The following C1orf21 variants were observed in gnomAD, a reference collection of about 807,000 sequenced individuals.
C1orf21 encodes chromosome 1 open reading frame 21, also known as uncharacterized protein C1orf21.
In C1orf21, 3 loss-of-function variants were observed where a neutral mutation model predicts 18.7. That is an observed-to-expected ratio of 0.16 (90% CI 0.07 to 0.42). The LOEUF (loss-of-function observed/expected upper bound fraction) is 0.42, where lower values mean the gene tolerates loss of function less well. Ranked by LOEUF, C1orf21 falls within the 10% of genes least tolerant of loss-of-function variation. The pLI, the probability that C1orf21 is intolerant of heterozygous loss-of-function variation, is 0.99. For missense variants in C1orf21, 104 were observed against 143.6 expected (o/e 0.72, Z 1.41); for synonymous variants, 41 against 46.4 (o/e 0.88, Z 0.47).
intron 3 of C1orf21, among the ~76,000 whole-genome samples, chr1:184,523,843 A>T (rs1033762512): frequency 6.6e-6 from 1 of 152,194 alleles, no homozygotes; most frequent in African/African-American, 2.4e-5. Context: ...ACAGTGTTCT[A>T]TAATACTTTG....
chr1:184,507,376 A>G (rs1658078521), intron 2 of C1orf21, among the ~76,000 whole-genome samples: 1 of 152,150 alleles, frequency 6.6e-6, no homozygotes, highest in African/African-American at 2.4e-5. Flanking sequence ...AGCATTCGTG[A>G]TGCTGAGCTT....
At chr1:184,573,205 G>A (rs1172739982) in intron 3 of C1orf21, among the ~76,000 whole-genome samples, 4 of 152,002 alleles carry the variant, frequency 2.6e-5, no homozygotes, top group Admixed American at 6.5e-5. Context: ...CAGCTGCAGC[G>A]TTTACCCCGA....
intron 1 of C1orf21, among the ~76,000 whole-genome samples, chr1:184,393,970 G>A (rs970366454): frequency 2.0e-5 from 3 of 152,106 alleles, no homozygotes; most frequent in Non-Finnish European, 2.9e-5. Flanking sequence ...TATGCCAAGT[G>A]AAGATTCTTT....
chr1:184,430,541 A>T (rs537577044), intron 1 of C1orf21, among the ~76,000 whole-genome samples: 22 of 152,332 alleles, frequency 1.4e-4, no homozygotes, highest in African/African-American at 5.3e-4. Flanking sequence ...CTTTTAAAAT[A>T]TTGGTGAAAT....
chr1:184,442,067 A>G (rs1430108280), intron 1 of C1orf21, among the ~76,000 whole-genome samples: 3 of 152,202 alleles, frequency 2.0e-5, no homozygotes, highest in Non-Finnish European at 4.4e-5. Context: ...CTTTTCCTCT[A>G]TGCTTGGATG....
intron 3 of C1orf21, among the ~76,000 whole-genome samples, chr1:184,520,487 G>A (rs534977018): frequency 3.4e-4 from 52 of 152,242 alleles, no homozygotes; most frequent in African/African-American, 1.2e-3. Flanking sequence ...TGAGTATGAG[G>A]CACAATGAAA....
intron 2 of C1orf21, among the ~76,000 whole-genome samples, chr1:184,490,289 A>C (rs1052657466): frequency 6.6e-6 from 1 of 152,288 alleles, no homozygotes; most frequent in East Asian, 1.9e-4. Flanking sequence ...GTAAAGATGC[A>C]ATAGATGGAC....
chr1:184,521,526 TACACACTGTATGATTCTAC>T (rs1658306271), intron 3 of C1orf21, among the ~76,000 whole-genome samples: 1 of 152,176 alleles, frequency 6.6e-6, no homozygotes, highest in South Asian at 2.1e-4. Context: ...GTCTGAAAGA[TACACACTGTATGATTCTAC>T]TTGCATGATA....
chr1:184,598,772 C>G (rs1010763894), intron 5 of C1orf21, among the ~76,000 whole-genome samples: 1 of 152,132 alleles, frequency 6.6e-6, no homozygotes, highest in African/African-American at 2.4e-5. Flanking sequence ...CACCCAGTAC[C>G]CTGCACTAAC....
intron 3 of C1orf21, among the ~76,000 whole-genome samples, chr1:184,577,954 T>TTG (rs2101993067): frequency 1.4e-5 from 1 of 70,446 alleles, no homozygotes; most frequent in South Asian, 3.9e-4. Context: ...TTTGTTTTTG[T>TTG]TTTTTTTTTT....
At chr1:184,540,365 A>T (rs1441310771) in intron 3 of C1orf21, among the ~76,000 whole-genome samples, 1 of 152,130 alleles carries the variant, frequency 6.6e-6, no homozygotes, top group South Asian at 2.1e-4. Context: ...TTTAAAAGAG[A>T]TTGACAGACT....
At chr1:184,569,001 C>T (rs1033341573) in intron 3 of C1orf21, among the ~76,000 whole-genome samples, 12 of 152,170 alleles carry the variant, frequency 7.9e-5, no homozygotes, top group African/African-American at 2.7e-4. Context: ...TAGGGGCTTG[C>T]ATTTTATTAA....
intron 3 of C1orf21, among the ~76,000 whole-genome samples, chr1:184,542,258 A>G (rs1345476015): frequency 6.6e-6 from 1 of 152,218 alleles, no homozygotes; most frequent in Non-Finnish European, 1.5e-5. Flanking sequence ...AGCATACACT[A>G]TGTGCCAGGC....
At chr1:184,488,017 G>C in intron 2 of C1orf21, among the ~76,000 whole-genome samples, 1 of 152,158 alleles carries the variant, frequency 6.6e-6, no homozygotes, top group East Asian at 1.9e-4. Flanking sequence ...ATGGTTGCTT[G>C]GTTTCCTCTG....
intron 3 of C1orf21, among the ~76,000 whole-genome samples, chr1:184,509,760 T>C (rs1350421868): frequency 6.6e-6 from 1 of 152,198 alleles, no homozygotes; most frequent in Non-Finnish European, 1.5e-5. Context: ...ATTTTACGAA[T>C]GATACTAAGA....
chr1:184,390,889 C>T (rs1655961893), intron 1 of C1orf21, among the ~76,000 whole-genome samples: 2 of 152,058 alleles, frequency 1.3e-5, no homozygotes, highest in Non-Finnish European at 2.9e-5. Context: ...TTGCAATAGA[C>T]CAGTATAAAG....
At chr1:184,558,065 T>C (rs879543557) in intron 3 of C1orf21, among the ~76,000 whole-genome samples, 1 of 152,232 alleles carries the variant, frequency 6.6e-6, no homozygotes, top group Non-Finnish European at 1.5e-5. Context: ...TTTACCGTTT[T>C]GGTTTTCAAC....
rs371621062 is a variant in C1orf21 at position 184,576,894 on chromosome 1, G to A, written c.190-13845G>A. Among the ~76,000 whole-genome samples the A allele has an allele frequency of 3.3e-5, 5 of 152,280 alleles. No individual in the cohort carries two copies. The East Asian group carries it at 9.6e-4, about 29-fold the overall frequency. On this transcript the variant is annotated intron_variant, in intron 3 of 5. Transcript: ENST00000235307. The stretch of plus-strand genomic sequence containing the variant: ...CCCTGGGGATCTGGCAGAGGTGCAC[G>A]GCTCAGCTTCATCCCCTGCCGGCCT...
chr1:184,499,190 T>C (rs764556279), intron 2 of C1orf21, among the ~76,000 whole-genome samples: 32 of 152,092 alleles, frequency 2.1e-4, no homozygotes, highest in Non-Finnish European at 3.7e-4. Context: ...CTGTTCACTT[T>C]AGTGAAGGAA....
Sources: allele counts gnomAD v4.1 joint callset (sites outside exome capture counted in the v4.1 genomes callset), GRCh38; gene constraint gnomAD v4.1.1; transcripts MANE v1.5; gene names NCBI Gene and HGNC (gene_info 2026-07-23, HGNC 2026-07-21).